The following ZNF44 variants were observed in gnomAD, a reference collection of about 807,000 sequenced individuals.
The protein encoded by ZNF44 is gonadotropin inducible transcription repressor-2.
ZNF44 carries 9 observed loss-of-function variants against 11.7 expected under a neutral mutation model. The ratio of observed to expected loss-of-function variants is 0.77; its 90% confidence interval spans 0.46 to 1.35. ZNF44 has a LOEUF of 1.35. Ranked by LOEUF, ZNF44 falls within the 40% of genes most tolerant of loss-of-function variation. The probability of loss-of-function intolerance (pLI) is 0.00; values close to 1 mark genes in which losing one functional copy is unlikely to be tolerated. For missense variants in ZNF44, 696 were observed against 743.1 expected (o/e 0.94, Z 0.74); for synonymous variants, 224 against 242.7 (o/e 0.92, Z 0.72).
intron 1 of ZNF44, among the ~76,000 whole-genome samples, chr19:12,276,988 C>G (rs1967255164): frequency 6.6e-6 from 1 of 152,100 alleles, no homozygotes; most frequent in South Asian, 2.1e-4. Context: ...ACTTGATCTT[C>G]CCAGCTTTCA....
downstream of ZNF44, among the ~76,000 whole-genome samples, chr19:12,243,718 TTTTG>T (rs1916692488): frequency 6.0e-5 from 9 of 150,702 alleles, 2 homozygotes; most frequent in African/African-American, 2.2e-4. Flanking sequence ...ACATGGTAGT[TTTTG>T]TTTTTTTTTG....
rs769807777 is a variant in ZNF44 at position 12,250,260 on chromosome 19, T to C, written c.*107A>G. ...TTTTTACCTATAGTGGCCAGGTTCC[T>C]GAAGGTTTCCCACATCACGTCTCTG... On this transcript the variant is annotated 3_prime_UTR_variant and NMD_transcript_variant, in exon 6 of 8. Coordinates refer to the ZNF44 transcript ENST00000393337. 16 of 1,364,462 alleles carry C rather than the reference T, an allele frequency of 1.2e-5. No homozygotes were observed. In the East Asian group the frequency reaches 7.3e-4, roughly 62 times the overall value. The allele number at this position is 1,364,462 out of a possible 1,614,324, so 84.5% of individuals were successfully genotyped here. A position where few individuals can be genotyped will look rare whatever the true frequency, so the allele number is the denominator to read the frequency against.
upstream of ZNF44, chr19:12,237,748 G>A (rs2145681466): frequency 6.6e-6 from 1 of 152,608 alleles, no homozygotes; most frequent in Non-Finnish European, 1.5e-5. Context: ...GAGCAGGATT[G>A]ACAGGTTCTA....
At chr19:12,260,298 G>C in intron 5 of ZNF44, 1 of 847,126 alleles carries the variant, frequency 1.2e-6, no homozygotes. Context: ...CGAGGACAAA[G>C]GTGTGGTGGT....
intron 1 of ZNF44, among the ~76,000 whole-genome samples, chr19:12,281,159 GC>G (rs1967460538): frequency 6.6e-6 from 1 of 152,050 alleles, no homozygotes; most frequent in African/African-American, 2.4e-5. Context: ...TTCTTCTCAA[GC>G]CTACATGAAA....
intron 5 of ZNF44, among the ~76,000 whole-genome samples, chr19:12,265,082 A>C (rs1229852313): frequency 6.6e-6 from 1 of 152,088 alleles, no homozygotes; most frequent in African/African-American, 2.4e-5. Flanking sequence ...AATCAACCAA[A>C]AGAAAAAAAC....
chr19:12,261,599 A>G (rs1310745692), intron 5 of ZNF44, among the ~76,000 whole-genome samples: 2 of 152,218 alleles, frequency 1.3e-5, no homozygotes, highest in Non-Finnish European at 2.9e-5. Context: ...ACTGCACTCC[A>G]GCCTGGATGA....
chr19:12,249,395 A>G (rs1916897362), intron 7 of ZNF44, among the ~76,000 whole-genome samples: 1 of 149,402 alleles, frequency 6.7e-6, no homozygotes, highest in Admixed American at 6.7e-5. Flanking sequence ...AGTCCCAGCT[A>G]CTCGGGAGGC....
exon 8 of ZNF44, chr19:12,247,727 T>C (rs1916815284): frequency 7.5e-7 from 1 of 1,341,790 alleles, no homozygotes; most frequent in Non-Finnish European, 9.9e-7. Context: ...TTTCATGTCT[T>C]TGAGCTGAGT....
At position 12,275,414 on chromosome 19, in the gene ZNF44, C is replaced by T. The variant is rs547032646; in HGVS notation, c.131-381G>A. ...CTGTAATCCCAGCACTTTGGGAGGC[C>T]GAGGTGGGCAGATCACAAGGTCAGG... On this transcript the variant is annotated intron_variant, in intron 2 of 3. Coordinates refer to ENST00000355684, the MANE Select transcript of ZNF44 (RefSeq NM_016264.4). Among the ~76,000 whole-genome samples the T allele has an allele frequency of 1.6e-4, 25 of 152,180 alleles. No individual in the cohort carries two copies. The South Asian group carries it at 4.2e-3, about 25-fold the overall frequency.
At chr19:12,239,677 G>A (rs775853572), upstream of ZNF44, among the ~76,000 whole-genome samples, 3 of 147,624 alleles carry the variant, frequency 2.0e-5, no homozygotes, top group South Asian at 2.2e-4. Flanking sequence ...CTGTTCAAGC[G>A]ATTCTCCTGC....
intron 1 of ZNF44, among the ~76,000 whole-genome samples, chr19:12,286,177 A>G (rs560980952): frequency 1.3e-5 from 2 of 152,270 alleles, no homozygotes; most frequent in African/African-American, 4.8e-5. Context: ...TCCCCCGTTC[A>G]TCCTTTCTTG....
chr19:12,268,131 TACACACACACACAGACACACACACAC>T (rs1917799553), downstream of ZNF44, among the ~76,000 whole-genome samples: 1 of 106,704 alleles, frequency 9.4e-6, no homozygotes, highest in Non-Finnish European at 1.9e-5. Flanking sequence ...TTGGTGTTCT[TACACACACACACAGACACACACACAC>T]ACACACACAC....
intron 3 of ZNF44, among the ~76,000 whole-genome samples, chr19:12,229,085 T>C (rs2145672709): frequency 6.6e-6 from 1 of 152,340 alleles, no homozygotes; most frequent in East Asian, 1.9e-4. Flanking sequence ...TAAAAATATT[T>C]GATTTAAGCA....
At chr19:12,259,488 T>C (rs1051777271) in intron 5 of ZNF44, among the ~76,000 whole-genome samples, 1 of 152,226 alleles carries the variant, frequency 6.6e-6, no homozygotes, top group African/African-American at 2.4e-5. Flanking sequence ...CAAATTCCTT[T>C]AATACATTTC....
chr19:12,294,203 C>T (rs549334069), intron 1 of ZNF44, among the ~76,000 whole-genome samples: 1 of 152,334 alleles, frequency 6.6e-6, no homozygotes, highest in African/African-American at 2.4e-5. Flanking sequence ...TCTTCACCTC[C>T]AGTCCCAAGA....
At chr19:12,276,905 C>T (rs957162895) in intron 1 of ZNF44, among the ~76,000 whole-genome samples, 1 of 152,118 alleles carries the variant, frequency 6.6e-6, no homozygotes, top group African/African-American at 2.4e-5. Context: ...TCATGTAATG[C>T]CCTGTACCAC....
chr19:12,233,665 G>C (rs117443472), intron 2 of ZNF44, among the ~76,000 whole-genome samples: 3,169 of 150,348 alleles, frequency 0.021, 41 homozygotes, highest in Non-Finnish European at 0.032. Flanking sequence ...CAGAACCAAA[G>C]AAGAGCATGA....
chr19:12,235,137 G>C (rs1179468239), intron 1 of ZNF44, among the ~76,000 whole-genome samples: 12 of 152,178 alleles, frequency 7.9e-5, no homozygotes, highest in Non-Finnish European at 1.8e-4. Context: ...AACACTTTGG[G>C]GGGCAGAGGC....
Sources: gnomAD v4.1 joint callset for allele counts (sites outside exome capture counted in the v4.1 genomes callset) on GRCh38, gnomAD v4.1.1 for gene constraint, MANE v1.5 for transcripts, NCBI Gene and HGNC (gene_info 2026-07-23, HGNC 2026-07-21) for gene names.